Variants in MGAT5 observed in about 807,000 individuals in gnomAD.
MGAT5 encodes the protein alpha-1,6-mannosylglycoprotein 6-beta-N-acetylglucosaminyltransferase.
MGAT5 carries 30 observed loss-of-function variants against 94.3 expected under a neutral mutation model. That is an observed-to-expected ratio of 0.32 (90% CI 0.24 to 0.43). The LOEUF (loss-of-function observed/expected upper bound fraction) is 0.43, where lower values mean the gene tolerates loss of function less well. Ranked by LOEUF, MGAT5 falls within the 20% of genes least tolerant of loss-of-function variation. The probability of loss-of-function intolerance (pLI) is 1.00; values close to 1 mark genes in which losing one functional copy is unlikely to be tolerated. For synonymous variants in MGAT5, 310 were observed against 322.9 expected, an observed-to-expected ratio of 0.96 and a Z score of 0.43; for missense variants, 691 against 905.5, an observed-to-expected ratio of 0.76 and a Z score of 3.04.
chr2:134,350,989 C>A (rs548747414), intron 9 of MGAT5, among the ~76,000 whole-genome samples: 1 of 152,090 alleles, frequency 6.6e-6, no homozygotes, highest in African/African-American at 2.4e-5. Flanking sequence ...CTGAAGGTGA[C>A]CCCTGTCTCA....
chr2:134,192,783 TGTG>T (rs1312613322), intron 1 of MGAT5, among the ~76,000 whole-genome samples: 6 of 152,254 alleles, frequency 3.9e-5, no homozygotes, highest in South Asian at 2.1e-4. Flanking sequence ...GCTTTTAAAT[TGTG>T]GTAAAATATT....
At chr2:134,273,132 G>T (rs72846770) in intron 2 of MGAT5, among the ~76,000 whole-genome samples, 12 of 124,690 alleles carry the variant, frequency 9.6e-5, no homozygotes, top group East Asian at 4.9e-4. Flanking sequence ...CCCAGAAGGT[G>T]GGGGGGGGTC....
At chr2:134,293,172 T>C (rs988811121) in intron 2 of MGAT5, among the ~76,000 whole-genome samples, 18 of 152,344 alleles carry the variant, frequency 1.2e-4, no homozygotes, top group African/African-American at 4.3e-4. Context: ...TTTTATAACA[T>C]GTATATGATA....
intron 1 of MGAT5, among the ~76,000 whole-genome samples, chr2:134,125,171 T>C (rs1041061564): frequency 2.6e-5 from 4 of 152,220 alleles, no homozygotes; most frequent in African/African-American, 7.2e-5. Flanking sequence ...CCTTCTCCGA[T>C]TGGCATTATT....
chr2:134,305,570 T>A (rs766378239), intron 2 of MGAT5, among the ~76,000 whole-genome samples: 46 of 152,354 alleles, frequency 3.0e-4, no homozygotes, highest in Admixed American at 5.2e-4. Flanking sequence ...GGCTTTGCTT[T>A]TCATTTTTAA....
At chr2:134,354,598 T>C (rs1679605870) in intron 9 of MGAT5, among the ~76,000 whole-genome samples, 1 of 152,158 alleles carries the variant, frequency 6.6e-6, no homozygotes, top group Non-Finnish European at 1.5e-5. Flanking sequence ...TGAAGAACCT[T>C]GCATTTCTGT....
At chr2:134,143,211 G>A (rs1686742689) in intron 1 of MGAT5, among the ~76,000 whole-genome samples, 1 of 152,102 alleles carries the variant, frequency 6.6e-6, no homozygotes, top group Admixed American at 6.5e-5. Context: ...GATGGATCTG[G>A]GTTTTATTTG....
chr2:134,403,073 G>C lies in MGAT5; in HGVS notation c.1466G>C (p.Ser489Thr). The change falls in exon 11 of 16, where the codon AGT (serine) becomes ACT (threonine). Residue 489 changes from serine (S) to threonine (T), a missense_variant. Physicochemically the swap from Ser to Thr is moderately conservative, Grantham distance 58. Around this residue, in one of 4 missense-constraint regions of MGAT5, gnomAD observed 260 missense variants for 347.0 expected, o/e 0.75. Coordinates refer to ENST00000281923, the MANE Select transcript of MGAT5 (RefSeq NM_002410.5). ...GGCTCCAGCACAAAGAATATTCCCA[G>C]TTACGTGAAAAACCATGGTATCCTC... is the stretch of plus-strand genomic sequence containing the variant. Reference protein sequence around the residue: ...VYGSSTKNIPSYVKNHGILSG... With the variant: ...VYGSSTKNIPTYVKNHGILSG... 1 of 1,612,036 alleles carries C rather than the reference G, an allele frequency of 6.2e-7. No individual in the cohort carries two copies. Among genetic ancestry groups the C allele is most frequent in the Non-Finnish European group, 8.5e-7 (1 of 1,179,662 alleles).
At chr2:134,401,672 G>T (rs1683062087) in intron 10 of MGAT5, among the ~76,000 whole-genome samples, 1 of 152,172 alleles carries the variant, frequency 6.6e-6, no homozygotes, top group Admixed American at 6.5e-5. Flanking sequence ...AATGAATTCA[G>T]CATCTTGCGG....
intron 1 of MGAT5, among the ~76,000 whole-genome samples, chr2:134,177,144 C>CGTGTGTGTGTGTGTGTGTGTGTGTGG (rs141358502): frequency 7.0e-6 from 1 of 142,530 alleles, no homozygotes; most frequent in Non-Finnish European, 1.5e-5. Flanking sequence ...CAAATGAACC[C>CGTGTGTGTGTGTGTGTGTGTGTGTGG]GTGTGTGTGT....
intron 1 of MGAT5, among the ~76,000 whole-genome samples, chr2:134,164,488 G>A (rs1389706495): frequency 6.6e-6 from 1 of 152,128 alleles, no homozygotes; most frequent in African/African-American, 2.4e-5. Flanking sequence ...TCAGAGGTGG[G>A]CCTGTGTGGG....
chr2:134,287,027 A>G (rs1026661228), intron 2 of MGAT5, among the ~76,000 whole-genome samples: 1 of 152,106 alleles, frequency 6.6e-6, no homozygotes, highest in Non-Finnish European at 1.5e-5. Flanking sequence ...TTGTCTGGGA[A>G]ATTTTTGTGA....
chr2:134,305,566 G>C (rs1182179072), intron 2 of MGAT5, among the ~76,000 whole-genome samples: 1 of 152,136 alleles, frequency 6.6e-6, no homozygotes. Flanking sequence ...GTATGGCTTT[G>C]CTTTTCATTT....
Position 134,394,021 on chromosome 2 carries a change from G to C in MGAT5, c.1381-8967G>C, listed in dbSNP as rs145041728. Among the ~76,000 whole-genome samples, 35 of 152,262 alleles carry C rather than the reference G, an allele frequency of 2.3e-4. No homozygotes were observed. The East Asian group carries it at 6.2e-3, about 27-fold the overall frequency. On this transcript the variant is annotated intron_variant, in intron 10 of 15. Transcript: ENST00000281923. ...AAGGCCCTTGGGATGAAAGGTAAAG[G>C]TGTGTACCATCCCATAGAAGTGGGC... is the stretch of plus-strand genomic sequence containing the variant.
intron 1 of MGAT5, among the ~76,000 whole-genome samples, chr2:134,194,640 G>A (rs376014091): frequency 5.9e-5 from 9 of 152,124 alleles, no homozygotes; most frequent in Non-Finnish European, 8.8e-5. Flanking sequence ...TCCTGCTAGC[G>A]TGCATTCTCT....
chr2:134,161,974 T>G (rs6748836), intron 1 of MGAT5, among the ~76,000 whole-genome samples: 12,488 of 151,656 alleles, frequency 0.082, 1,055 homozygotes, highest in African/African-American at 0.22. Context: ...GCAGATCACA[T>G]GAGGTTAGGA....
At chr2:134,316,236 G>A (rs1267789303) in intron 2 of MGAT5, among the ~76,000 whole-genome samples, 3 of 152,160 alleles carry the variant, frequency 2.0e-5, no homozygotes, top group Non-Finnish European at 4.4e-5. Context: ...TGTTCTTAGG[G>A]TAAAGATCAG....
chr2:134,235,635 A>C (rs1044089982), intron 1 of MGAT5, among the ~76,000 whole-genome samples: 4 of 152,114 alleles, frequency 2.6e-5, no homozygotes, highest in Non-Finnish European at 4.4e-5. Flanking sequence ...TGGTGTATTC[A>C]TGGCACGTTT....
intron 14 of MGAT5, among the ~76,000 whole-genome samples, chr2:134,434,990 T>C (rs1685090226): frequency 6.6e-6 from 1 of 151,994 alleles, no homozygotes. Context: ...CTTACATGAG[T>C]GTTTCATGGG....
Sources: gnomAD v4.1 joint callset for allele counts (sites outside exome capture counted in the v4.1 genomes callset) on GRCh38, gnomAD v4.1.1 for gene constraint, gnomAD v4.1.1 regional missense constraint, MANE v1.5 for transcripts, NCBI Gene and HGNC (gene_info 2026-07-23, HGNC 2026-07-21) for gene names.